The following PRKCA variants were observed in gnomAD, a reference collection of about 807,000 sequenced individuals.
The protein encoded by PRKCA is protein kinase C alpha type.
Under a neutral mutation model 87.0 loss-of-function variants are expected in PRKCA, and 27 were observed. That is an observed-to-expected ratio of 0.31 (90% CI 0.23 to 0.43). The LOEUF is 0.43. Among genes scored for constraint, PRKCA ranks in the 20% least tolerant of loss-of-function variants. The probability of loss-of-function intolerance (pLI) is 1.00; values close to 1 mark genes in which losing one functional copy is unlikely to be tolerated. For synonymous variants in PRKCA, 329 were observed against 311.1 expected (o/e 1.06, Z -0.61); for missense variants, 518 against 852.3 (o/e 0.61, Z 4.88).
intron 2 of PRKCA, among the ~76,000 whole-genome samples, chr17:66,321,428 G>T (rs1905650401): frequency 6.6e-6 from 1 of 152,196 alleles, no homozygotes; most frequent in Admixed American, 6.5e-5. Context: ...AATTTTGATA[G>T]AACTCAAGTG....
Position 66,735,418 on chromosome 17 carries a change from C to T in PRKCA, c.1057-71C>T, listed in dbSNP as rs2144212081. Reference sequence around the variant, plus strand: ...AAACTGTCACTGAGCCGTCACCTGGCCTGGTTCCTTCCCTCTGCCCCCCAA... The same window carrying T: ...AAACTGTCACTGAGCCGTCACCTGGTCTGGTTCCTTCCCTCTGCCCCCCAA... On this transcript the variant is annotated intron_variant, in intron 9 of 16. Transcript: ENST00000413366. 6 of 1,538,690 alleles carry T rather than the reference C, an allele frequency of 3.9e-6. No homozygotes were observed. The South Asian group carries it at 6.7e-5, about 17-fold the overall frequency.
intron 3 of PRKCA, among the ~76,000 whole-genome samples, chr17:66,520,107 A>T (rs75189452): frequency 0.023 from 3,443 of 149,434 alleles, 125 homozygotes; most frequent in African/African-American, 0.08. Flanking sequence ...CCTCAGGTAC[A>T]TGCCATCCAC....
At chr17:66,407,531 AC>A (rs1200849696) in intron 2 of PRKCA, among the ~76,000 whole-genome samples, 1 of 152,142 alleles carries the variant, frequency 6.6e-6, no homozygotes, top group Admixed American at 6.6e-5. Context: ...TTTATAAATT[AC>A]CTAGTCACAG....
rs567530478 is a variant in PRKCA, at chr17:66,542,298, C to G, written c.288+46015C>G. On this transcript the variant is annotated intron_variant, in intron 3 of 16. Transcript: ENST00000413366. ...AATTTGTATGTGCACAGTCTTTGTG[C>G]TAGTTTCTGTGGACATACAGTGGTG... Among the ~76,000 whole-genome samples the G allele has an allele frequency of 3.9e-5, 6 of 152,186 alleles. No homozygotes were observed. The South Asian group carries it at 6.2e-4, about 16-fold the overall frequency.
At chr17:66,304,980 C>T (rs771012218) in intron 1 of PRKCA, among the ~76,000 whole-genome samples, 6 of 152,132 alleles carry the variant, frequency 3.9e-5, no homozygotes, top group Non-Finnish European at 7.3e-5. Context: ...CTGAGGCTAG[C>T]TATTGTCTTT....
At chr17:66,636,481 C>T (rs903521476) in intron 3 of PRKCA, among the ~76,000 whole-genome samples, 7 of 152,112 alleles carry the variant, frequency 4.6e-5, no homozygotes, top group East Asian at 3.9e-4. Flanking sequence ...GTCGGGAATG[C>T]GGGACCTAGG....
intron 2 of PRKCA, among the ~76,000 whole-genome samples, chr17:66,306,761 C>A (rs1007081563): frequency 5.3e-5 from 8 of 152,154 alleles, no homozygotes; most frequent in Non-Finnish European, 1.0e-4. Flanking sequence ...GCATTTCACA[C>A]ACATCGAATA....
intron 2 of PRKCA, among the ~76,000 whole-genome samples, chr17:66,470,746 G>A (rs3848423): frequency 0.1 from 15,817 of 152,152 alleles, 1,217 homozygotes; most frequent in African/African-American, 0.21. Flanking sequence ...TTATTAGGGG[G>A]ACGAGCAGAG....
intron 3 of PRKCA, among the ~76,000 whole-genome samples, chr17:66,525,968 G>A (rs576859405): frequency 2.0e-5 from 3 of 152,080 alleles, no homozygotes; most frequent in East Asian, 3.9e-4. Context: ...AATAAGAGTC[G>A]TCATGGTTCC....
chr17:66,781,864 GAGAGATATAT>G lies in PRKCA; in HGVS notation c.1606-5001_1606-4992del, dbSNP rs1489356363. ...GTAAATTTTGTGAGAGAGAGAGAGAGAGAGATATATATATATATATATAGTGTGTGTGTGT... is the reference window on the plus strand; with the variant it reads ...GTAAATTTTGTGAGAGAGAGAGAGAGATATATATATATAGTGTGTGTGTGT... On this transcript the variant is annotated intron_variant, in intron 14 of 16. Coordinates refer to ENST00000413366, the MANE Select transcript of PRKCA (RefSeq NM_002737.3). 2.6e-3 allele frequency among the ~76,000 whole-genome samples: 306 copies of G among 117,372 alleles called. 2 individuals carry two copies. The highest frequency in any genetic ancestry group is 0.011 in the African/African-American group (274 of 25,000). 77.0% of individuals were successfully genotyped at this position (117,372 alleles called of 152,430 possible).
At chr17:66,461,957 G>A (rs771761759) in intron 2 of PRKCA, among the ~76,000 whole-genome samples, 6 of 152,122 alleles carry the variant, frequency 3.9e-5, no homozygotes, top group Non-Finnish European at 7.3e-5. Flanking sequence ...TAACTACCGA[G>A]CATGCTTCTA....
rs1020196822 is a variant in PRKCA at position 66,689,364 on chromosome 17, C to A, written c.918+317C>A. The stretch of plus-strand genomic sequence containing the variant: ...GGCTCTGAGGGCAGGATTGTTCTTA[C>A]AAAGGAGGACTTGTGCTCTTCTGAA... On this transcript the variant is annotated intron_variant, in intron 8 of 16. Transcript: ENST00000413366. This position sits in a 1 kb window ranked among gnomAD's most constrained non-coding sequence, Gnocchi z 4.1. 3.9e-5 allele frequency among the ~76,000 whole-genome samples: 6 copies of A among 152,104 alleles called. No homozygotes were observed. Among genetic ancestry groups the A allele is most frequent in the African/African-American group, 1.4e-4 (6 of 41,420 alleles).
At chr17:66,602,440 G>A (rs1233782622) in intron 3 of PRKCA, among the ~76,000 whole-genome samples, 2 of 149,876 alleles carry the variant, frequency 1.3e-5, no homozygotes, top group Admixed American at 6.7e-5. Flanking sequence ...CGCACGGTGC[G>A]CACACCCACT....
chr17:66,379,273 C>T (rs992349899), intron 2 of PRKCA, among the ~76,000 whole-genome samples: 1 of 152,184 alleles, frequency 6.6e-6, no homozygotes, highest in African/African-American at 2.4e-5. Context: ...ATCCTACCAG[C>T]AGTATGGTAG....
chr17:66,717,833 C>T (rs1342934888), intron 8 of PRKCA, among the ~76,000 whole-genome samples: 1 of 152,200 alleles, frequency 6.6e-6, no homozygotes. Context: ...CTGAGGCCCT[C>T]GCTGCAGTTG....
At chr17:66,505,107 T>C (rs956360679) in intron 3 of PRKCA, among the ~76,000 whole-genome samples, 2 of 152,236 alleles carry the variant, frequency 1.3e-5, no homozygotes, top group African/African-American at 4.8e-5. Context: ...GTGCTAATTC[T>C]GCTCTTCAGT....
chr17:66,774,310 T>G (rs1975001289), intron 14 of PRKCA: 23 of 1,345,546 alleles, frequency 1.7e-5, no homozygotes, highest in Non-Finnish European at 2.2e-5. Context: ...GTAGACAGTG[T>G]CAGTTTCACG....
At chr17:66,447,162 G>T (rs1048633696) in intron 2 of PRKCA, among the ~76,000 whole-genome samples, 1 of 152,156 alleles carries the variant, frequency 6.6e-6, no homozygotes, top group African/African-American at 2.4e-5. Flanking sequence ...GTTTTGGCAG[G>T]GACTTGAAAA....
chr17:66,453,575 C>T (rs1369438546), intron 2 of PRKCA, among the ~76,000 whole-genome samples: 1 of 152,116 alleles, frequency 6.6e-6, no homozygotes, highest in East Asian at 1.9e-4. Flanking sequence ...ACCTCAGCCT[C>T]CCAAAGTGCT....
Sources: gnomAD v4.1 joint callset for allele counts (sites outside exome capture counted in the v4.1 genomes callset) on GRCh38, gnomAD v4.1.1 for gene constraint, Gnocchi (gnomAD v3.1) non-coding constraint, MANE v1.5 for transcripts, NCBI Gene and HGNC (gene_info 2026-07-23, HGNC 2026-07-21) for gene names.